SLC26A8: variants seen among roughly 807,000 people sequenced by gnomAD.
SLC26A8 encodes solute carrier family 26 member 8.
A neutral mutation model predicts 105.0 loss-of-function variants in SLC26A8; 70 were observed. The observed-to-expected ratio is 0.67, with a 90% CI of 0.55 to 0.81. SLC26A8 has a LOEUF of 0.81. Ranked by LOEUF, SLC26A8 falls within the 40% of genes least tolerant of loss-of-function variation. The pLI is 0.00. For missense variants in SLC26A8, 998 were observed against 1,181.8 expected (o/e 0.84, Z 2.28); for synonymous variants, 415 against 438.3 (o/e 0.95, Z 0.66).
chr6:35,980,620 T>C (rs1252781603), intron 8 of SLC26A8, among the ~76,000 whole-genome samples: 3 of 152,194 alleles, frequency 2.0e-5, no homozygotes, highest in African/African-American at 7.2e-5. Flanking sequence ...TCTGCCCACA[T>C]TTTTTAATTG....
chr6:35,978,871 G>A (rs1325478555), intron 8 of SLC26A8, among the ~76,000 whole-genome samples: 1 of 147,204 alleles, frequency 6.8e-6, no homozygotes, highest in Non-Finnish European at 1.5e-5. Context: ...TTGAGACCAG[G>A]TCTTGCTGTG....
intron 7 of SLC26A8, among the ~76,000 whole-genome samples, chr6:35,985,402 T>C (rs1272228685): frequency 2.0e-5 from 3 of 151,932 alleles, no homozygotes; most frequent in Non-Finnish European, 4.4e-5. Context: ...TGCTGATGTC[T>C]CTTAAGAGAG....
chr6:35,980,342 A>G (rs964532681), intron 8 of SLC26A8, among the ~76,000 whole-genome samples: 12 of 152,210 alleles, frequency 7.9e-5, no homozygotes, highest in Non-Finnish European at 1.3e-4. Context: ...GGTTATAATT[A>G]TAGACTTTGG....
In SLC26A8 at chr6:35,982,014, C is replaced by T. The variant is rs921957882; in HGVS notation, c.1025+107G>A. ...CCTCTGTGTTCAAAAATGAATTTTGCTTTGGCCAGAGACTGCTAGTAGAAA... is the reference window on the plus strand; with the variant it reads ...CCTCTGTGTTCAAAAATGAATTTTGTTTTGGCCAGAGACTGCTAGTAGAAA... On this transcript the variant is annotated intron_variant, in intron 8 of 19. Coordinates refer to ENST00000490799, the MANE Select transcript of SLC26A8 (RefSeq NM_052961.4). 7 of 1,168,454 alleles carry T rather than the reference C, an allele frequency of 6.0e-6. No homozygotes were observed. The Admixed American group carries it at 6.1e-5, about 10-fold the overall frequency. 72.4% of individuals were successfully genotyped at this position (1,168,454 alleles called of 1,614,324 possible). A position where few individuals can be genotyped will look rare whatever the true frequency, so the allele number is the denominator to read the frequency against.
chr6:35,954,024 A>G (rs1282039453), intron 17 of SLC26A8, among the ~76,000 whole-genome samples: 1 of 152,208 alleles, frequency 6.6e-6, no homozygotes, highest in East Asian at 1.9e-4. Flanking sequence ...CTCAAACACC[A>G]TGAGTGTTCA....
rs368170044 is a variant in SLC26A8, at chr6:35,975,458, C to T, written c.1204G>A (p.Val402Ile). The T allele has an allele frequency of 5.0e-5, 81 of 1,613,038 alleles. No individual in the cohort carries two copies. The highest frequency in any genetic ancestry group is 4.9e-4 in the Middle Eastern group (3 of 6,080). ...ACACAAGATCTGAAAAATGAACTGA[C>T]GACATTGCAAAGGCCGATGGCTATT... Reference protein sequence around the residue: ...DLIAIGLCNVVSSFFRSCVFT... With the variant: ...DLIAIGLCNVISSFFRSCVFT... The change falls in exon 10 of 20, where the codon GTC (valine) becomes ATC (isoleucine). Residue 402 changes from valine (V) to isoleucine (I), a missense_variant. Transcript: ENST00000490799.
At chr6:35,955,011 G>A (rs1772001044) in intron 17 of SLC26A8, 141 bp downstream of exon 17, 1 of 885,500 alleles carries the variant, frequency 1.1e-6, no homozygotes, top group Non-Finnish European at 1.8e-6. Context: ...ATATTGTACT[G>A]CCTTTGGTGT....
chr6:36,011,494 C>T (rs530132089), intron 3 of SLC26A8, among the ~76,000 whole-genome samples: 1 of 152,338 alleles, frequency 6.6e-6, no homozygotes, highest in African/African-American at 2.4e-5. Context: ...CCACACCTAT[C>T]TGTGTGATCT....
intron 10 of SLC26A8, chr6:35,969,878 C>T (rs1772720248): frequency 6.6e-6 from 1 of 152,180 alleles, no homozygotes; most frequent in South Asian, 2.1e-4. Context: ...TGGATCCTAT[C>T]CCAGTTGGGT....
Position 35,991,726 on chromosome 6 carries a change from C to T in SLC26A8, c.875G>A (p.Arg292Gln), listed in dbSNP as rs778153300. 4.4e-6 allele frequency: 7 copies of T among 1,606,314 alleles called. No homozygotes were observed. Among genetic ancestry groups the T allele is most frequent in the Non-Finnish European group, 5.1e-6 (6 of 1,177,012 alleles). ...AGAAATTCTGATACATTTGTTGATT[C>T]GCAGAGCAACAACAACAGTTAGAAA... Reference protein sequence around the residue: ...LVFLTVVVALRINKCIRISFN... With the variant: ...LVFLTVVVALQINKCIRISFN... The change falls in exon 7 of 20, where the codon CGA (arginine) becomes CAA (glutamine). Residue 292 changes from arginine to glutamine, a missense_variant. Transcript: ENST00000490799.
chr6:35,959,439 G>A (rs772178290), intron 16 of SLC26A8, 21 bp downstream of exon 16: 3 of 1,584,196 alleles, frequency 1.9e-6, no homozygotes. Context: ...AAAAACATAG[G>A]AAAGAAAAGG....
At chr6:36,003,518 G>C (rs957082058) in intron 3 of SLC26A8, among the ~76,000 whole-genome samples, 1 of 152,096 alleles carries the variant, frequency 6.6e-6, no homozygotes, top group African/African-American at 2.4e-5. Context: ...CATTAAAATA[G>C]ATTAATAGAT....
At chr6:36,014,160 G>C (rs1355924265) in intron 2 of SLC26A8, among the ~76,000 whole-genome samples, 2 of 152,224 alleles carry the variant, frequency 1.3e-5, no homozygotes, top group African/African-American at 4.8e-5. Flanking sequence ...CTGTGGAGAA[G>C]AGTAGAGCAT....
At chr6:36,002,228 G>T (rs1761544069) in intron 3 of SLC26A8, among the ~76,000 whole-genome samples, 1 of 152,178 alleles carries the variant, frequency 6.6e-6, no homozygotes, top group African/African-American at 2.4e-5. Flanking sequence ...GAACTAAAAA[G>T]CCATCAGAAT....
chr6:35,979,109 C>A (rs982661785), intron 8 of SLC26A8, among the ~76,000 whole-genome samples: 3 of 150,746 alleles, frequency 2.0e-5, no homozygotes, highest in Non-Finnish European at 4.4e-5. Context: ...GCCTCAGCCT[C>A]CCACAGTGCT....
chr6:35,956,297 A>T lies in SLC26A8; in HGVS notation c.1864-777T>A, dbSNP rs892599431. On this transcript the variant is annotated intron_variant, in intron 16 of 19. Transcript: ENST00000490799. ...TGCCCCCTCCCCAAAAAAAGCTGGC[A>T]CACGCCTATTGTCCCAGGTACTCAG... 4.0e-5 allele frequency among the ~76,000 whole-genome samples: 6 copies of T among 151,556 alleles called. No individual in the cohort carries two copies. The South Asian group carries it at 1.3e-3, about 32-fold the overall frequency.
chr6:36,014,364 G>T (rs1464744296), intron 2 of SLC26A8, among the ~76,000 whole-genome samples: 1 of 152,172 alleles, frequency 6.6e-6, no homozygotes, highest in African/African-American at 2.4e-5. Flanking sequence ...AATGGAAGTT[G>T]AAGCTGACGG....
rs556511303 is a variant in SLC26A8 at position 36,008,393 on chromosome 6, C to A, written c.328+3840G>T. On this transcript the variant is annotated intron_variant, in intron 3 of 19. Coordinates refer to ENST00000490799, the MANE Select transcript of SLC26A8 (RefSeq NM_052961.4). ...AAATAGGCTAAGTACTTGAACAGAC[C>A]CTTCAAAGAAGATATGAGGATAGCA... 5.3e-5 allele frequency among the ~76,000 whole-genome samples: 8 copies of A among 152,084 alleles called. No individual in the cohort carries two copies. The East Asian group carries it at 1.4e-3, about 26-fold the overall frequency.
chr6:36,024,371 C>G (rs1359960801), intron 1 of SLC26A8, 133 bp downstream of exon 1: 1 of 441,404 alleles, frequency 2.3e-6, no homozygotes, highest in South Asian at 1.6e-5. Context: ...TTCATTCATT[C>G]CACAGATACT....
Sources: gnomAD v4.1 joint callset for allele counts (sites outside exome capture counted in the v4.1 genomes callset) on GRCh38, gnomAD v4.1.1 for gene constraint, MANE v1.5 for transcripts, NCBI Gene and HGNC (gene_info 2026-07-23, HGNC 2026-07-21) for gene names.